The following POLR2E variants were observed in gnomAD, a reference collection of about 807,000 sequenced individuals.
POLR2E encodes RNA polymerase II, I and III subunit E.
POLR2E carries 35 observed loss-of-function variants against 29.8 expected under a neutral mutation model. That is an observed-to-expected ratio of 1.17 (90% CI 0.90 to 1.55). POLR2E has a LOEUF of 1.55. Ranked by LOEUF, POLR2E falls within the 40% of genes most tolerant of loss-of-function variation. The probability of loss-of-function intolerance (pLI) is 0.00; values close to 1 mark genes in which losing one functional copy is unlikely to be tolerated. For missense variants in POLR2E, 287 were observed against 288.6 expected (o/e 0.99, Z 0.04); for synonymous variants, 174 against 112.6 (o/e 1.55, Z -3.45).
At chr19:1,091,463 G>A (rs1469054091) in intron 3 of POLR2E, 2 of 398,658 alleles carry the variant, frequency 5.0e-6, no homozygotes, top group East Asian at 1.0e-4. Flanking sequence ...AAGTCCCCCT[G>A]GACATCAGCT....
intron 7 of POLR2E, 111 bp downstream of exon 7, chr19:1,089,361 G>T: frequency 1.4e-6 from 1 of 724,080 alleles, no homozygotes; most frequent in Non-Finnish European, 2.4e-6. Context: ...CTGGGCTGGT[G>T]CTAGGAGGGT....
chr19:1,093,617 G>T, intron 2 of POLR2E: 1 of 614,096 alleles, frequency 1.6e-6, no homozygotes, highest in Non-Finnish European at 2.4e-6. Flanking sequence ...GGACACTAGG[G>T]CAAAGGACAT....
intron 1 of POLR2E, 141 bp downstream of exon 1, chr19:1,095,118 G>T: frequency 1.2e-6 from 1 of 818,328 alleles, no homozygotes; most frequent in South Asian, 1.8e-5. Context: ...TATCCCCGGC[G>T]ACCTCTGGGC....
chr19:1,090,695 T>G (rs1012285906), intron 4 of POLR2E, among the ~76,000 whole-genome samples: 111 of 151,910 alleles, frequency 7.3e-4, no homozygotes, highest in African/African-American at 2.5e-3. Flanking sequence ...TGGGATTACA[T>G]GTGTGAGCCA....
chr19:1,091,860 T>G lies in POLR2E; in HGVS notation c.280A>C (p.Met94Leu), dbSNP rs1348100349. 3 of 1,613,364 alleles carry G rather than the reference T, an allele frequency of 1.9e-6. No homozygotes were observed. The highest frequency in any genetic ancestry group is 2.5e-6 in the Non-Finnish European group (3 of 1,179,840). The stretch of plus-strand genomic sequence containing the variant: ...GCCCGTGTGATGTTCTCCTCCTGCA[T>G]GCGCTGGCAGTACACCTTGATGGTC... Reference protein sequence around the residue: ...IKTIKVYCQRMQEENITRALI... With the variant: ...IKTIKVYCQRLQEENITRALI... The change falls in exon 3 of 8, where the codon ATG becomes CTG. Residue 94 changes from methionine to leucine, a missense_variant. By Grantham distance (15) the Met-to-Leu change is conservative (BLOSUM62 2). Coordinates refer to ENST00000615234, the MANE Select transcript of POLR2E (RefSeq NM_002695.5).
At chr19:1,093,343 A>G (rs1280271485) in intron 2 of POLR2E, among the ~76,000 whole-genome samples, 1 of 152,246 alleles carries the variant, frequency 6.6e-6, no homozygotes, top group African/African-American at 2.4e-5. Context: ...GAGCCATACT[A>G]GGGAGGCAGA....
At chr19:1,090,795 T>C in intron 4 of POLR2E, 113 bp downstream of exon 4, 4 of 863,522 alleles carry the variant, frequency 4.6e-6, no homozygotes, top group Non-Finnish European at 7.2e-6. Flanking sequence ...CTGTCCTCCA[T>C]GCACTAATAG....
intron 2 of POLR2E, among the ~76,000 whole-genome samples, chr19:1,093,390 C>T (rs1252512959): frequency 6.6e-6 from 1 of 151,948 alleles, no homozygotes; most frequent in Non-Finnish European, 1.5e-5. Flanking sequence ...GTGCTGAAAC[C>T]GAGGGTCCCA....
At chr19:1,092,024 G>A (rs1284242083) in intron 2 of POLR2E, 117 bp from the exon 3 acceptor site, 6 of 708,330 alleles carry the variant, frequency 8.5e-6, no homozygotes, top group Non-Finnish European at 1.2e-5. Context: ...CTCCTGCTCG[G>A]GCCTCGGCTT....
chr19:1,094,952 G>T, intron 1 of POLR2E: 2 of 489,672 alleles, frequency 4.1e-6, no homozygotes, highest in East Asian at 3.6e-5. Flanking sequence ...CAGAGTCTGG[G>T]GGCGCCCCCC....
chr19:1,094,428 C>G (rs1315796973), intron 1 of POLR2E: 1 of 262,698 alleles, frequency 3.8e-6, no homozygotes. Flanking sequence ...GCCCGTGATC[C>G]CAGTACTTAG....
chr19:1,091,236 G>A (rs1199058666), intron 3 of POLR2E, among the ~76,000 whole-genome samples: 1 of 152,226 alleles, frequency 6.6e-6, no homozygotes, highest in African/African-American at 2.4e-5. Context: ...TCCATCACAC[G>A]CTTCCAGGGG....
chr19:1,092,216 G>T (rs1001625714), intron 2 of POLR2E: 1 of 318,240 alleles, frequency 3.1e-6, no homozygotes, highest in East Asian at 7.2e-5. Flanking sequence ...CTGGGGAGGC[G>T]GGTGACTCAG....
intron 4 of POLR2E, 117 bp from the exon 5 acceptor site, chr19:1,090,262 G>A (rs1395698182): frequency 1.3e-5 from 11 of 863,334 alleles, no homozygotes; most frequent in East Asian, 5.3e-5. Context: ...ACCCCACCCC[G>A]ATCCCCGGCA....
chr19:1,093,916 C>G lies in POLR2E; in HGVS notation c.220G>C (p.Val74Leu). 1 of 1,601,260 alleles carries G rather than the reference C, an allele frequency of 6.2e-7. No homozygotes were observed. The highest frequency in any genetic ancestry group is 1.1e-5 in the South Asian group (1 of 89,648). ...HNDDPTDQMF[V>L]FFPEEPKVGI... is the part of the protein sequence containing the mutation. ...ACCCGCTGCTCACCTGGAAAGAACA[C>G]AAACATCTGGTCGGTGGGGTCATCG... Residue 74 changes from valine (V) to leucine (L), a missense_variant, in exon 2 of 8, where the codon GTG becomes CTG. Val to Leu is a conservative substitution (Grantham distance 32, BLOSUM62 1). Transcript: ENST00000615234.
intron 6 of POLR2E, 126 bp downstream of exon 6, chr19:1,089,758 G>T: frequency 1.2e-6 from 1 of 824,276 alleles, no homozygotes; most frequent in Non-Finnish European, 2.0e-6. Context: ...TATTGGGGGT[G>T]TGGTCTCGAG....
chr19:1,094,339 T>G (rs977227943), intron 1 of POLR2E: 2 of 458,038 alleles, frequency 4.4e-6, no homozygotes, highest in Non-Finnish European at 7.7e-6. Flanking sequence ...CACAGAAACC[T>G]GGCAGGGAGC....
rs1252974003 is a variant in POLR2E, at chr19:1,091,835, G to A, written c.305C>T (p.Ala102Val). Residue 102 changes from alanine (A) to valine (V), a missense_variant, in exon 3 of 8, where the codon GCT (alanine) becomes GTT (valine). Physicochemically the swap from Ala to Val is moderately conservative, Grantham distance 64. Coordinates refer to ENST00000615234, the MANE Select transcript of POLR2E (RefSeq NM_002695.5). The stretch of plus-strand genomic sequence containing the variant: ...CATGCCCTGCTGCACCACGATGAGA[G>A]CCCGTGTGATGTTCTCCTCCTGCAT... ...QRMQEENITRALIVVQQGMTP... is the reference protein window; with the variant it reads ...QRMQEENITRVLIVVQQGMTP... 5.0e-6 allele frequency: 8 copies of A among 1,612,790 alleles called. No individual in the cohort carries two copies. In the African/African-American group the frequency reaches 1.1e-4, roughly 22 times the overall value.
chr19:1,087,249 G>T lies in POLR2E; in HGVS notation c.*1486C>A, dbSNP rs1465147395. ...GCTCAAGCGATCCTCCACTTCCTGG[G>T]TTCAAGTGATTCTCCTGCCTTAGCT... On this transcript the variant is annotated 3_prime_UTR_variant, in exon 8 of 8. Coordinates refer to ENST00000615234, the MANE Select transcript of POLR2E (RefSeq NM_002695.5). The T allele has an allele frequency of 2.0e-5, 3 of 152,090 alleles. No individual in the cohort carries two copies. The highest frequency in any genetic ancestry group is 4.4e-5 in the Non-Finnish European group (3 of 68,020). The allele number at this position is 152,090 out of a possible 1,614,324, so 9.4% of individuals were successfully genotyped here.
Sources: allele counts gnomAD v4.1 joint callset (sites outside exome capture counted in the v4.1 genomes callset), GRCh38; gene constraint gnomAD v4.1.1; transcripts MANE v1.5; gene names NCBI Gene and HGNC (gene_info 2026-07-23, HGNC 2026-07-21).